CDH13: variants seen among roughly 807,000 people sequenced by gnomAD.
CDH13 encodes cadherin 13.
CDH13 carries 24 observed loss-of-function variants against 63.8 expected under a neutral mutation model. That is an observed-to-expected ratio of 0.38 (90% CI 0.27 to 0.53). The LOEUF (loss-of-function observed/expected upper bound fraction) is 0.53. CDH13 is among the 20% of genes least tolerant of loss of function. The probability of loss-of-function intolerance (pLI) is 0.85; values close to 1 mark genes in which losing one functional copy is unlikely to be tolerated. For missense variants in CDH13, 1,049 were observed against 903.1 expected, an observed-to-expected ratio of 1.16 and a Z score of -2.07; for synonymous variants, 503 against 355.3, an observed-to-expected ratio of 1.42 and a Z score of -4.67.
chr16:82,667,049 C>T (rs568679221), intron 1 of CDH13, among the ~76,000 whole-genome samples: 2 of 152,190 alleles, frequency 1.3e-5, no homozygotes, highest in Admixed American at 6.5e-5. Context: ...TCTCTCCAAA[C>T]TGACAAAGGA....
At chr16:83,335,627 C>A (rs2090576321) in intron 5 of CDH13, among the ~76,000 whole-genome samples, 1 of 152,142 alleles carries the variant, frequency 6.6e-6, no homozygotes, top group African/African-American at 2.4e-5. Flanking sequence ...AAGCAGACGG[C>A]CCAGCGCCAC....
chr16:83,592,164 G>A (rs950312594), intron 7 of CDH13, among the ~76,000 whole-genome samples: 1 of 152,086 alleles, frequency 6.6e-6, no homozygotes, highest in Non-Finnish European at 1.5e-5. Context: ...TTACTTCTTC[G>A]CACCATCCCG....
At chr16:83,290,788 G>C (rs538789646) in intron 5 of CDH13, among the ~76,000 whole-genome samples, 1 of 152,090 alleles carries the variant, frequency 6.6e-6, no homozygotes, top group African/African-American at 2.4e-5. Context: ...GTCCATGCAC[G>C]TGCACTTTTT....
At chr16:82,757,142 CT>C (rs1465631448) in intron 1 of CDH13, among the ~76,000 whole-genome samples, 2 of 152,126 alleles carry the variant, frequency 1.3e-5, no homozygotes, top group Admixed American at 6.5e-5. Flanking sequence ...TACCTCCATG[CT>C]GTATTGTATC....
At chr16:83,136,389 G>A (rs1322876890) in intron 4 of CDH13, among the ~76,000 whole-genome samples, 2 of 151,522 alleles carry the variant, frequency 1.3e-5, no homozygotes, top group African/African-American at 2.4e-5. Context: ...GGGAGGCTGA[G>A]GCAGGAGAAT....
chr16:83,260,078 T>G (rs79387603), intron 5 of CDH13, among the ~76,000 whole-genome samples: 10,074 of 130,562 alleles, frequency 0.077, 489 homozygotes, highest in East Asian at 0.25. Flanking sequence ...TTTTTTTTTT[T>G]GTAACCATGT....
intron 2 of CDH13, among the ~76,000 whole-genome samples, chr16:82,995,363 G>A (rs1023942670): frequency 2.0e-5 from 3 of 152,320 alleles, no homozygotes; most frequent in Non-Finnish European, 4.4e-5. Flanking sequence ...ACTAAGACAT[G>A]AGTGAGCGTG....
At chr16:83,617,888 C>T (rs939882544) in intron 8 of CDH13, among the ~76,000 whole-genome samples, 2 of 152,034 alleles carry the variant, frequency 1.3e-5, no homozygotes, top group African/African-American at 4.8e-5. Flanking sequence ...TAATATATGA[C>T]ATAAAATATT....
intron 2 of CDH13, among the ~76,000 whole-genome samples, chr16:82,918,397 G>C (rs2042056247): frequency 6.6e-6 from 1 of 151,994 alleles, no homozygotes; most frequent in South Asian, 2.1e-4. Flanking sequence ...GAGGTGAGTA[G>C]ACAGCAGATG....
rs78287691 is a variant in CDH13 at position 83,048,937 on chromosome 16, C to G, written c.366+16719C>G. 9.6e-3 allele frequency among the ~76,000 whole-genome samples: 1,458 copies of G among 152,200 alleles called. 25 individuals carry two copies. The highest frequency in any genetic ancestry group is 0.032 in the African/African-American group (1,330 of 41,526). ...ATCTCTATTTCCTTGCAAGTTCATACCTTAATACTCCGAAATGGAGCTCCT... is the reference window on the plus strand; with the variant it reads ...ATCTCTATTTCCTTGCAAGTTCATAGCTTAATACTCCGAAATGGAGCTCCT... On this transcript the variant is annotated intron_variant, in intron 3 of 13. Coordinates refer to ENST00000567109, the MANE Select transcript of CDH13 (RefSeq NM_001257.5).
chr16:82,795,787 C>T (rs1207311607), intron 1 of CDH13, among the ~76,000 whole-genome samples: 1 of 152,106 alleles, frequency 6.6e-6, no homozygotes, highest in Non-Finnish European at 1.5e-5. Context: ...AGTGACCCTT[C>T]TTTGCCAGTT....
chr16:82,774,778 G>C (rs1307003908), intron 1 of CDH13, among the ~76,000 whole-genome samples: 1 of 152,194 alleles, frequency 6.6e-6, no homozygotes, highest in Non-Finnish European at 1.5e-5. Context: ...CTGTGAGCGG[G>C]TTTAATTCTC....
At chr16:83,374,422 G>T (rs916172614) in intron 6 of CDH13, among the ~76,000 whole-genome samples, 1 of 152,176 alleles carries the variant, frequency 6.6e-6, no homozygotes, top group South Asian at 2.1e-4. Flanking sequence ...CCTTTAAAGA[G>T]ACCATATTTT....
chr16:83,310,587 A>C (rs566223556), intron 5 of CDH13, among the ~76,000 whole-genome samples: 1 of 152,144 alleles, frequency 6.6e-6, no homozygotes, highest in African/African-American at 2.4e-5. Flanking sequence ...GGTCCTTCAC[A>C]CGTACCTGGC....
chr16:83,098,374 C>G (rs2034307741), intron 3 of CDH13, among the ~76,000 whole-genome samples: 1 of 152,098 alleles, frequency 6.6e-6, no homozygotes, highest in Admixed American at 6.6e-5. Context: ...TTATTTTTTA[C>G]TTTAAACAAT....
At chr16:83,166,299 T>A (rs944257576) in intron 4 of CDH13, among the ~76,000 whole-genome samples, 5 of 152,018 alleles carry the variant, frequency 3.3e-5, no homozygotes, top group Non-Finnish European at 5.9e-5. Context: ...TCTAACATGG[T>A]GTTTAAGCAG....
intron 5 of CDH13, among the ~76,000 whole-genome samples, chr16:83,322,350 T>G (rs774520175): frequency 6.6e-6 from 1 of 152,188 alleles, no homozygotes; most frequent in African/African-American, 2.4e-5. Flanking sequence ...CCAGAGAACA[T>G]AAATGAACTG....
At chr16:83,664,147 A>T (rs560444543) in intron 8 of CDH13, among the ~76,000 whole-genome samples, 12 of 152,174 alleles carry the variant, frequency 7.9e-5, no homozygotes, top group African/African-American at 2.9e-4. Flanking sequence ...ACAGAGCAAG[A>T]TCTGCTTCAA....
At chr16:83,718,439 A>G (rs533985422) in intron 10 of CDH13, among the ~76,000 whole-genome samples, 1 of 152,200 alleles carries the variant, frequency 6.6e-6, no homozygotes, top group Non-Finnish European at 1.5e-5. Flanking sequence ...AGCGTTTTCA[A>G]GAGTGAAGGA....
Sources: allele counts gnomAD v4.1 joint callset (sites outside exome capture counted in the v4.1 genomes callset), GRCh38; gene constraint gnomAD v4.1.1; transcripts MANE v1.5; gene names NCBI Gene and HGNC (gene_info 2026-07-23, HGNC 2026-07-21).